Variants in SBF2 observed in about 807,000 individuals in gnomAD.
SBF2 encodes myotubularin-related protein 13.
In SBF2, 112 loss-of-function variants were observed where a neutral mutation model predicts 225.2. The ratio of observed to expected loss-of-function variants is 0.50; its 90% CI spans 0.43 to 0.58. The LOEUF is 0.58. Ranked by LOEUF, SBF2 falls within the 20% of genes least tolerant of loss-of-function variation. SBF2 has a pLI of 0.00. For missense variants in SBF2, 1,996 were observed against 2,206.2 expected, an observed-to-expected ratio of 0.90 and a Z score of 1.91; for synonymous variants, 763 against 773.3, an observed-to-expected ratio of 0.99 and a Z score of 0.22.
intron 16 of SBF2, among the ~76,000 whole-genome samples, chr11:9,952,855 G>C (rs1347646930): frequency 6.6e-6 from 1 of 152,028 alleles, no homozygotes; most frequent in East Asian, 1.9e-4. Context: ...CCCTATTCCT[G>C]CAAGAATGGC....
chr11:10,273,062 T>C (rs1263389624), intron 1 of SBF2, among the ~76,000 whole-genome samples: 2 of 147,332 alleles, frequency 1.4e-5, no homozygotes, highest in African/African-American at 5.0e-5. Flanking sequence ...AGAGTGAGAC[T>C]CCGTCTCCGA....
intron 2 of SBF2, among the ~76,000 whole-genome samples, chr11:10,151,775 G>A (rs1955203859): frequency 6.6e-6 from 1 of 152,100 alleles, no homozygotes; most frequent in Admixed American, 6.5e-5. Context: ...TAGCTTTGCA[G>A]GTAATTTTTG....
intron 14 of SBF2, among the ~76,000 whole-genome samples, chr11:9,967,935 GTCTGTCTGTCTGTCTC>G (rs1209132824): frequency 8.7e-5 from 10 of 114,562 alleles, no homozygotes; most frequent in Admixed American, 1.9e-4. Context: ...CTGTCTGTCT[GTCTGTCTGTCTGTCTC>G]TCTCTCTCTC....
chr11:10,099,597 C>T (rs1175909086), intron 2 of SBF2, among the ~76,000 whole-genome samples: 3 of 152,080 alleles, frequency 2.0e-5, no homozygotes, highest in African/African-American at 7.2e-5. Context: ...TCATTTTTAA[C>T]TCTGGTACAA....
intron 1 of SBF2, among the ~76,000 whole-genome samples, chr11:10,241,620 G>T (rs1959220988): frequency 6.6e-6 from 1 of 151,950 alleles, no homozygotes; most frequent in African/African-American, 2.4e-5. Context: ...ACTTCAAAAA[G>T]ATAAAAAAGT....
chr11:9,783,249 A>G (rs1182674110), intron 38 of SBF2: 1 of 152,174 alleles, frequency 6.6e-6, no homozygotes, highest in Non-Finnish European at 1.5e-5. Flanking sequence ...CAGGGCTTCC[A>G]TTTGTATATT....
chr11:9,902,199 A>G (rs1280418860), intron 16 of SBF2, among the ~76,000 whole-genome samples: 1 of 152,186 alleles, frequency 6.6e-6, no homozygotes, highest in African/African-American at 2.4e-5. Context: ...GTCTAAAAAG[A>G]GACATGTACC....
At position 9,903,431 on chromosome 11, in the gene SBF2, G is replaced by A. The variant is rs760571309; in HGVS notation, c.1861-7420C>T. Among the ~76,000 whole-genome samples, 77 of 152,320 alleles carry A rather than the reference G, an allele frequency of 5.1e-4. 1 individual carries two copies. The highest frequency in any genetic ancestry group is 3.7e-3 in the Admixed American group (57 of 15,298). On this transcript the variant is annotated intron_variant, in intron 16 of 39. Transcript: ENST00000256190. ...ATCTGAGTCTCACAGCACCAAATAT[G>A]TTACCAGTCAAGGTATCCAAGGTAT...
At chr11:10,224,111 T>C (rs1288114439) in intron 1 of SBF2, among the ~76,000 whole-genome samples, 3 of 152,160 alleles carry the variant, frequency 2.0e-5, no homozygotes, top group Non-Finnish European at 2.9e-5. Context: ...ACTTATATTT[T>C]ATGTATTCAT....
chr11:9,907,498 A>C (rs1355202022), intron 16 of SBF2, among the ~76,000 whole-genome samples: 2 of 152,162 alleles, frequency 1.3e-5, no homozygotes, highest in Non-Finnish European at 2.9e-5. Context: ...TTAAGCAAAA[A>C]ATAGGCAAAA....
chr11:10,002,086 T>C (rs1947990946), intron 7 of SBF2, among the ~76,000 whole-genome samples: 1 of 152,174 alleles, frequency 6.6e-6, no homozygotes, highest in African/African-American at 2.4e-5. Context: ...ACTTTGAGAA[T>C]TACCAGTGCA....
At chr11:10,184,200 G>T (rs1956843853) in intron 2 of SBF2, among the ~76,000 whole-genome samples, 1 of 152,048 alleles carries the variant, frequency 6.6e-6, no homozygotes, top group Non-Finnish European at 1.5e-5. Flanking sequence ...TCAGAAAAAA[G>T]AAATAAATTC....
At chr11:10,070,499 T>C (rs1950820542) in intron 2 of SBF2, among the ~76,000 whole-genome samples, 1 of 152,210 alleles carries the variant, frequency 6.6e-6, no homozygotes, top group Non-Finnish European at 1.5e-5. Flanking sequence ...GAAGGCTTTG[T>C]TCTGTTCCAT....
At chr11:10,184,883 C>A (rs1032911509) in intron 2 of SBF2, among the ~76,000 whole-genome samples, 5 of 152,104 alleles carry the variant, frequency 3.3e-5, no homozygotes, top group African/African-American at 1.2e-4. Flanking sequence ...CCCACCACCA[C>A]GCCCGGCTAA....
At chr11:9,989,631 C>T in intron 12 of SBF2, 36 bp from the exon 13 acceptor site, 3 of 1,184,802 alleles carry the variant, frequency 2.5e-6, no homozygotes. Context: ...ACATCAATTC[C>T]AAAATATGCC....
intron 18 of SBF2, among the ~76,000 whole-genome samples, chr11:9,856,928 C>G (rs2134002652): frequency 6.6e-6 from 1 of 151,926 alleles, no homozygotes; most frequent in African/African-American, 2.4e-5. Context: ...GCTGGGACTA[C>G]AGTCACCTGC....
chr11:10,030,013 A>G (rs1949198000), intron 4 of SBF2, 138 bp from the exon 5 acceptor site: 1 of 681,554 alleles, frequency 1.5e-6, no homozygotes, highest in Non-Finnish European at 2.6e-6. Flanking sequence ...CATTTTAAAC[A>G]GCAAAAATTA....
intron 1 of SBF2, among the ~76,000 whole-genome samples, chr11:10,267,145 G>A (rs1248229417): frequency 1.3e-5 from 2 of 151,984 alleles, no homozygotes; most frequent in African/African-American, 2.4e-5. Flanking sequence ...AAAGGGAAGG[G>A]GGCTATCTCT....
Position 9,963,873 on chromosome 11 carries a change from A to G in SBF2, c.1610T>C (p.Met537Thr), listed in dbSNP as rs1278738726. 5.7e-6 allele frequency: 9 copies of G among 1,585,474 alleles called. No homozygotes were observed. The highest frequency in any genetic ancestry group is 1.7e-5 in the Admixed American group (1 of 59,836). The change falls in exon 15 of 40, where the codon ATG becomes ACG. Residue 537 changes from methionine (M) to threonine (T), a missense_variant. Physicochemically the swap from Met to Thr is moderately conservative, Grantham distance 81 (BLOSUM62 -1). Transcript: ENST00000256190. ...GTTGAAAACTGTCGTCACCTTGTCC[A>G]TTATCGAAACTAGTAAAAGAATATA... ...VPAGPPVVSIMDKVTTVFNSA... is the reference protein window; with the variant it reads ...VPAGPPVVSITDKVTTVFNSA...
Sources: gnomAD v4.1 joint callset for allele counts (sites outside exome capture counted in the v4.1 genomes callset) on GRCh38, gnomAD v4.1.1 for gene constraint, MANE v1.5 for transcripts, NCBI Gene and HGNC (gene_info 2026-07-23, HGNC 2026-07-21) for gene names.